The following SLC30A7 variants were observed in gnomAD, a reference collection of about 807,000 sequenced individuals.
SLC30A7 encodes zinc transporter 7.
Under a neutral mutation model 46.0 loss-of-function variants are expected in SLC30A7, and 35 were observed. That is an observed-to-expected ratio of 0.76 (90% confidence interval 0.58 to 1.01). SLC30A7 has a LOEUF of 1.01. Ranked by LOEUF, SLC30A7 falls within the 50% of genes least tolerant of loss-of-function variation. The pLI, the probability that SLC30A7 is intolerant of heterozygous loss-of-function variation, is 0.00. For synonymous variants in SLC30A7, 147 were observed against 157.8 expected (o/e 0.93, Z 0.51); for missense variants, 464 against 451.1 (o/e 1.03, Z -0.26).
At chr1:100,948,554 G>T (rs1297354875) in intron 8 of SLC30A7, among the ~76,000 whole-genome samples, 1 of 152,102 alleles carries the variant, frequency 6.6e-6, no homozygotes, top group Non-Finnish European at 1.5e-5. Flanking sequence ...TATCTTTGTG[G>T]TGTTCTTTAT....
chr1:100,991,411 T>C, the SLC30A7 span, among the ~76,000 whole-genome samples: 1 of 152,230 alleles, frequency 6.6e-6, no homozygotes, highest in Non-Finnish European at 1.5e-5. Context: ...TACAAAGTTA[T>C]GGATATAGAA....
At chr1:100,948,563 A>T (rs932312196) in intron 8 of SLC30A7, among the ~76,000 whole-genome samples, 1 of 151,986 alleles carries the variant, frequency 6.6e-6, no homozygotes, top group Non-Finnish European at 1.5e-5. Flanking sequence ...GGTGTTCTTT[A>T]TATTTCCTGA....
chr1:100,957,069 T>C (rs1015018143), intron 8 of SLC30A7, among the ~76,000 whole-genome samples: 4 of 152,356 alleles, frequency 2.6e-5, no homozygotes, highest in South Asian at 2.1e-4. Flanking sequence ...GGTTGGCATA[T>C]AACAGATGTT....
intron 8 of SLC30A7, among the ~76,000 whole-genome samples, chr1:100,923,848 C>G (rs1477356369): frequency 6.6e-6 from 1 of 152,174 alleles, no homozygotes; most frequent in African/African-American, 2.4e-5. Flanking sequence ...GGAAATCTTA[C>G]TGTACCTTGT....
At chr1:100,987,053 G>C in the SLC30A7 span, among the ~76,000 whole-genome samples, 1 of 152,182 alleles carries the variant, frequency 6.6e-6, no homozygotes, top group Non-Finnish European at 1.5e-5. Context: ...TTGAGGTTAA[G>C]TTACATACAG....
intron 8 of SLC30A7, among the ~76,000 whole-genome samples, chr1:100,942,777 A>G (rs1399610002): frequency 2.0e-5 from 3 of 152,240 alleles, no homozygotes; most frequent in Admixed American, 2.0e-4. Flanking sequence ...TTCCTTTTCA[A>G]TTTAAAAGAG....
At chr1:100,972,495 A>G (rs17408707) in intron 10 of SLC30A7, 9,923 of 154,090 alleles carry the variant, frequency 0.064, 413 homozygotes, top group East Asian at 0.1. Flanking sequence ...TTTCTTTGTT[A>G]TTGCCTTGGG....
At chr1:100,916,230 A>T (rs1451168389) in intron 6 of SLC30A7, among the ~76,000 whole-genome samples, 2 of 151,950 alleles carry the variant, frequency 1.3e-5, no homozygotes, top group African/African-American at 4.8e-5. Context: ...TCTGTCACCC[A>T]GGCTGGAGTT....
At chr1:100,965,555 A>G (rs1395929244) in intron 9 of SLC30A7, among the ~76,000 whole-genome samples, 1 of 152,230 alleles carries the variant, frequency 6.6e-6, no homozygotes. Flanking sequence ...AAATTTTGAT[A>G]CATGTTTGTT....
chr1:100,898,720 C>G (rs796955743), intron 2 of SLC30A7, among the ~76,000 whole-genome samples: 2 of 152,102 alleles, frequency 1.3e-5, no homozygotes, highest in African/African-American at 4.8e-5. Context: ...ATTTTTAGTT[C>G]CTTTTGTTGA....
chr1:100,990,534 G>A, the SLC30A7 span: 1 of 1,614,108 alleles, frequency 6.2e-7, no homozygotes. Context: ...GTTCTCCCAA[G>A]TCCACAGTGC....
At chr1:100,904,414 ATT>A (rs1295081512) in intron 2 of SLC30A7, among the ~76,000 whole-genome samples, 1 of 151,750 alleles carries the variant, frequency 6.6e-6, no homozygotes, top group Non-Finnish European at 1.5e-5. Context: ...ACTGGTTCAT[ATT>A]TTTTTGTCCA....
chr1:100,897,543 C>G (rs1281786812), intron 2 of SLC30A7, among the ~76,000 whole-genome samples: 1 of 152,118 alleles, frequency 6.6e-6, no homozygotes, highest in Admixed American at 6.5e-5. Flanking sequence ...ATCTTGGACT[C>G]TAGATTAAGA....
intron 7 of SLC30A7, among the ~76,000 whole-genome samples, chr1:100,919,682 G>T (rs964716351): frequency 6.6e-6 from 1 of 151,990 alleles, no homozygotes; most frequent in Non-Finnish European, 1.5e-5. Context: ...AGTTAGATTT[G>T]CCTTTCTAAT....
At chr1:100,974,701 C>CT (rs1164881104) in intron 10 of SLC30A7, 109 bp from the exon 11 acceptor site, 5 of 730,984 alleles carry the variant, frequency 6.8e-6, no homozygotes, top group Admixed American at 3.7e-5. Flanking sequence ...TGATTCTTTT[C>CT]TTTTTTTAAA....
At chr1:100,915,157 T>A (rs369819765) in intron 6 of SLC30A7, among the ~76,000 whole-genome samples, 4 of 141,932 alleles carry the variant, frequency 2.8e-5, no homozygotes, top group Non-Finnish European at 4.7e-5. Flanking sequence ...CTCCCTCCCT[T>A]CCTCACTTCT....
chr1:100,991,837 C>G, the SLC30A7 span, among the ~76,000 whole-genome samples: 1 of 149,394 alleles, frequency 6.7e-6, no homozygotes, highest in Non-Finnish European at 1.5e-5. Context: ...TGGTTCACAC[C>G]TGTAATCCCA....
chr1:100,952,871 G>T (rs1431287113), intron 8 of SLC30A7, among the ~76,000 whole-genome samples: 1 of 152,108 alleles, frequency 6.6e-6, no homozygotes, highest in Non-Finnish European at 1.5e-5. Flanking sequence ...GAAATGATAG[G>T]GTTTGAACAC....
rs78353919 is a variant in SLC30A7 at position 100,899,724 on chromosome 1, A to G, written c.182+3053A>G. 6.5e-3 allele frequency among the ~76,000 whole-genome samples: 991 copies of G among 152,306 alleles called. 17 individuals are homozygous for G. The highest frequency in any genetic ancestry group is 0.021 in the African/African-American group (861 of 41,548). On this transcript the variant is annotated intron_variant, in intron 2 of 10. Coordinates refer to ENST00000357650, the MANE Select transcript of SLC30A7 (RefSeq NM_133496.5). Reference sequence around the variant, plus strand: ...CTAAAATAATGGTTGCTTACACAAGATAAAACTTCATTTCCAAGATGGGTG... The same window carrying G: ...CTAAAATAATGGTTGCTTACACAAGGTAAAACTTCATTTCCAAGATGGGTG...
Sources: gnomAD v4.1 joint callset for allele counts (sites outside exome capture counted in the v4.1 genomes callset) on GRCh38, gnomAD v4.1.1 for gene constraint, MANE v1.5 for transcripts, NCBI Gene and HGNC (gene_info 2026-07-23, HGNC 2026-07-21) for gene names.